Variants in CARMIL2 observed in about 807,000 individuals in gnomAD.
The protein encoded by CARMIL2 is capping protein regulator and myosin 1 linker 2.
CARMIL2 carries 96 observed loss-of-function variants against 173.3 expected under a neutral mutation model. That is an observed-to-expected ratio of 0.55 (90% confidence interval 0.47 to 0.66). CARMIL2 has a LOEUF of 0.66. Among genes scored for constraint, CARMIL2 ranks in the 30% least tolerant of loss-of-function variants. The pLI, the probability that CARMIL2 is intolerant of heterozygous loss-of-function variation, is 0.00. For missense variants in CARMIL2, 1,771 were observed against 1,906.7 expected (o/e 0.93, Z 1.33); for synonymous variants, 830 against 817.1 (o/e 1.02, Z -0.27).
chr16:67,645,151 TG>T lies in CARMIL2; in HGVS notation c.-95del. On this transcript the variant is annotated 5_prime_UTR_variant, in exon 1 of 38. Coordinates refer to ENST00000334583, the MANE Select transcript of CARMIL2 (RefSeq NM_001013838.3). ...TTCCGCCGCCGGAGGAGCAGGTGGC[TG>T]CCGTGCGGGTCTGGGCCCCAGGCTT... 4 of 901,736 alleles carry T rather than the reference TG, an allele frequency of 4.4e-6. No individual in the cohort carries two copies. The highest frequency in any genetic ancestry group is 3.0e-5 in the Admixed American group (1 of 33,852). The allele number at this position is 901,736 out of a possible 1,614,324, so 55.9% of individuals were successfully genotyped here. A position where few individuals can be genotyped will look rare whatever the true frequency, so the allele number is the denominator to read the frequency against.
In CARMIL2 at chr16:67,651,767, A is replaced by C. The variant is rs751540904; in HGVS notation, c.2510A>C (p.Glu837Ala). ...GGATCCAGCTGGAGGGAGCAGCTAG[A>C]GGGGGTCCTGGCAGGCTCGAGGGGC... ...LQGSSWREQL[E>A]GVLAGSRGLP... is the part of the protein sequence containing the mutation. Residue 837 changes from glutamate to alanine, a missense_variant, in exon 25 of 38, where the codon GAG (glutamate) becomes GCG (alanine). Around this residue, in one of 3 missense-constraint regions of CARMIL2, gnomAD observed 817 missense variants for 903.5 expected, o/e 0.90. Transcript: ENST00000334583. This position sits in a 1 kb window ranked among gnomAD's most constrained non-coding sequence, Gnocchi z 4.2. The C allele has an allele frequency of 6.2e-7, 1 of 1,607,012 alleles. No homozygotes were observed. Among genetic ancestry groups the C allele is most frequent in the South Asian group, 1.1e-5 (1 of 90,410 alleles).
rs2052768882 is a variant in CARMIL2 at position 67,653,438 on chromosome 16, G to C, written c.3120+184G>C. 6.6e-6 allele frequency among the ~76,000 whole-genome samples: 1 copy of C among 151,996 alleles called. No individual in the cohort carries two copies. Among genetic ancestry groups the C allele is most frequent in the Non-Finnish European group, 1.5e-5 (1 of 67,966 alleles). ...CCCCCACCCCAGGCCATGCCTGTGC[G>C]GGACCATGGGTGTGCGGGTTCCGTT... On this transcript the variant is annotated intron_variant, in intron 29 of 37. Transcript: ENST00000334583. The surrounding 1 kb of genome is among the most constrained non-coding windows in gnomAD (Gnocchi z 7.4).
At position 67,652,978 on chromosome 16, in the gene CARMIL2, C is replaced by A; in HGVS notation, c.2885-41C>A. On this transcript the variant is annotated intron_variant, in intron 28 of 37. Transcript: ENST00000334583. The surrounding 1 kb of genome is among the most constrained non-coding windows in gnomAD (Gnocchi z 4.7). ...CCTAGCGCCTCCGCCGCCACCTCCC[C>A]GGGCTCGGCGCTCGGTGCTCTTCTG... The A allele has an allele frequency of 8.9e-7, 1 of 1,124,676 alleles. No individual in the cohort carries two copies. Among genetic ancestry groups the A allele is most frequent in the Non-Finnish European group, 1.2e-6 (1 of 867,134 alleles). The allele number at this position is 1,124,676 out of a possible 1,614,324, so 69.7% of individuals were successfully genotyped here. A position where few individuals can be genotyped will look rare whatever the true frequency, so the allele number is the denominator to read the frequency against.
chr16:67,648,763 C>A lies in CARMIL2; in HGVS notation c.1509+9C>A. On this transcript the variant is annotated intron_variant, in intron 16 of 37. Transcript: ENST00000334583. This position sits in a 1 kb window ranked among gnomAD's most constrained non-coding sequence, Gnocchi z 6.1. ...ACCTCAGCGCTTGCGAGGTGAGCGC[C>A]GGCCCCCAGAAGAGACCACACATTG... 1 of 1,597,056 alleles carries A rather than the reference C, an allele frequency of 6.3e-7. No homozygotes were observed.
intron 22 of CARMIL2, chr16:67,650,885 C>T (rs2052709976): frequency 6.1e-6 from 2 of 328,316 alleles, no homozygotes; most frequent in African/African-American, 2.1e-5. Flanking sequence ...CTACTCACTC[C>T]CTTTTCTACC....
intron 33 of CARMIL2, 26 bp from the exon 34 acceptor site, chr16:67,656,202 C>T (rs2052850724): frequency 6.2e-7 from 1 of 1,613,460 alleles, no homozygotes; most frequent in Admixed American, 1.7e-5. Flanking sequence ...AGGTCTGGTA[C>T]CTGAGTCCCC....
Position 67,647,903 on chromosome 16 carries a change from C to T in CARMIL2, c.1016C>T (p.Thr339Ile), listed in dbSNP as rs753887294. The stretch of plus-strand genomic sequence containing the variant: ...AATGCCGCCTTCGACTCCACCCTGA[C>T]CCACCTGGACCTTTCTGGGAATCCT... ...ATNAAFDSTL[T>I]HLDLSGNPGA... Residue 339 changes from threonine (T) to isoleucine (I), a missense_variant, in exon 13 of 38, where the codon ACC becomes ATC. Around this residue, in one of 3 missense-constraint regions of CARMIL2, gnomAD observed 944 missense variants for 975.6 expected, o/e 0.97. Transcript: ENST00000334583. The T allele has an allele frequency of 6.2e-7, 1 of 1,611,440 alleles. No homozygotes were observed. Among genetic ancestry groups the T allele is most frequent in the Non-Finnish European group, 8.5e-7 (1 of 1,178,776 alleles).
rs2052601771 is a variant in CARMIL2, at chr16:67,646,769, A to G, written c.522A>G (p.Arg174=). The G allele has an allele frequency of 6.2e-7, 1 of 1,613,744 alleles. No homozygotes were observed. Among genetic ancestry groups the G allele is most frequent in the Admixed American group, 1.7e-5 (1 of 60,026 alleles). Residue 174 remains arginine (R), a synonymous_variant, in exon 7 of 38, where the codon CGA becomes CGG. Transcript: ENST00000334583. The surrounding 1 kb of genome is among the most constrained non-coding windows in gnomAD (Gnocchi z 4.6). ...ALCDYNGFPF[R]EEIQWDVDTI... ...GTGACTACAATGGCTTCCCTTTCCG[A>G]GAGGAGATTCAGTGGGTGAGGGTAG...
Position 67,656,527 on chromosome 16 carries a change from C to A in CARMIL2, c.3918C>A (p.Gly1306=). ...CGGAGCTCAGGAGCCGTGGTTGGGG[C>A]CAACAGGATGGTCCAGGCCCTCCCT... ...LNAELRSRGW[G]QQDGPGPPSP... Residue 1306 remains glycine, a synonymous_variant, in exon 35 of 38, where the codon GGC becomes GGA. Transcript: ENST00000334583. 6.2e-7 allele frequency: 1 copy of A among 1,613,492 alleles called. No individual in the cohort carries two copies. Among genetic ancestry groups the A allele is most frequent in the South Asian group, 1.1e-5 (1 of 91,062 alleles).
Position 67,654,804 on chromosome 16 carries a change from A to T in CARMIL2, c.3609A>T (p.Thr1203=), listed in dbSNP as rs1335960737. The T allele has an allele frequency of 1.9e-6, 3 of 1,613,458 alleles. No individual in the cohort carries two copies. Among genetic ancestry groups the T allele is most frequent in the Non-Finnish European group, 2.5e-6 (3 of 1,179,904 alleles). ...DKRRPLERGE[T]ELAPSFEQRV... The stretch of plus-strand genomic sequence containing the variant: ...GGCGGCCCCTGGAGCGGGGAGAAAC[A>T]GAACTGGCTCCATCCTTTGAACAGC... The change falls in exon 32 of 38, where the codon ACA becomes ACT. Residue 1203 remains threonine (T), a synonymous_variant. Coordinates refer to ENST00000334583, the MANE Select transcript of CARMIL2 (RefSeq NM_001013838.3).
At chr16:67,656,133 G>A in intron 33 of CARMIL2, 66 bp downstream of exon 33, 1 of 1,611,232 alleles carries the variant, frequency 6.2e-7, no homozygotes. Context: ...AGCCCCCAAG[G>A]CACTTGCTCT....
rs762083223 is a variant in CARMIL2 at position 67,656,837 on chromosome 16, G to A, written c.4073G>A (p.Arg1358Gln). 13 of 1,550,558 alleles carry A rather than the reference G, an allele frequency of 8.4e-6. No individual in the cohort carries two copies. The highest frequency in any genetic ancestry group is 2.4e-5 in the East Asian group (1 of 40,922). Reference protein sequence around the residue: ...QLRPRPLSAGRRAVSVHEDQL... With the variant: ...QLRPRPLSAGQRAVSVHEDQL... ...AGGCCGAGGCCTCTCTCGGCAGGGCGGCGAGCAGTGTCTGTGCATGAGGAC... is the reference window on the plus strand; with the variant it reads ...AGGCCGAGGCCTCTCTCGGCAGGGCAGCGAGCAGTGTCTGTGCATGAGGAC... Residue 1358 changes from arginine (R) to glutamine (Q), a missense_variant, in exon 36 of 38, where the codon CGG becomes CAG. By Grantham distance (43) the Arg-to-Gln change is conservative (BLOSUM62 1). Coordinates refer to ENST00000334583, the MANE Select transcript of CARMIL2 (RefSeq NM_001013838.3).
At chr16:67,647,793 G>A (rs1459909512) in intron 12 of CARMIL2, 27 bp downstream of exon 12, 1 of 1,170,910 alleles carries the variant, frequency 8.5e-7, no homozygotes, top group Non-Finnish European at 1.2e-6. Context: ...AGGGGGTGAG[G>A]GGAGGGGGGT....
rs1218006039 is a variant in CARMIL2 at position 67,650,104 on chromosome 16, C to T, written c.2138C>T (p.Thr713Met). 3.7e-6 allele frequency: 6 copies of T among 1,613,636 alleles called. No individual in the cohort carries two copies. The highest frequency in any genetic ancestry group is 4.5e-5 in the East Asian group (2 of 44,876). Residue 713 changes from threonine (T) to methionine (M), a missense_variant, in exon 22 of 38, where the codon ACG becomes ATG. Physicochemically the swap from Thr to Met is moderately conservative, Grantham distance 81. Around this residue, in one of 3 missense-constraint regions of CARMIL2, gnomAD observed 944 missense variants for 975.6 expected, o/e 0.97. Coordinates refer to ENST00000334583, the MANE Select transcript of CARMIL2 (RefSeq NM_001013838.3). ...GCAGACCCTGCCTCTTCTGACCACA[C>T]GACCCGCCTTCAGCCACTTGGTCTG... ...NRADPASSDH[T>M]TRLQPLGLVS...
At position 67,654,674 on chromosome 16, in the gene CARMIL2, G is replaced by T. The variant is rs771330451; in HGVS notation, c.3564G>T (p.Leu1188=). 3.1e-6 allele frequency: 5 copies of T among 1,588,590 alleles called. No homozygotes were observed. The African/African-American group carries it at 5.4e-5, about 17-fold the overall frequency. ...TGCCTGCCGAGGAGGAGGCAACGCT[G>T]GGTGCCAGACCCGACAAGGTGAGGC... ...ILLPAEEEAT[L]GARPDKRRPL... Residue 1188 remains leucine, a synonymous_variant, in exon 31 of 38, where the codon CTG becomes CTT. Transcript: ENST00000334583.
intron 30 of CARMIL2, 39 bp downstream of exon 30, chr16:67,654,288 G>A (rs751771919): frequency 1.5e-6 from 2 of 1,363,508 alleles, no homozygotes; most frequent in East Asian, 2.4e-5. Flanking sequence ...GAGAGGGTGG[G>A]ATGCCTGATG....
In CARMIL2 at chr16:67,649,177, G is replaced by GC. The variant is rs749572769; in HGVS notation, c.1688+10dup. Reference sequence around the variant, plus strand: ...GAACTTCAACGTCCGGTGCAAGTGAGCCCCCACCCTACTCCTGGGCCTCCC... The same window carrying GC: ...GAACTTCAACGTCCGGTGCAAGTGAGCCCCCCACCCTACTCCTGGGCCTCCC... On this transcript the variant is annotated splice_donor_region_variant and intron_variant, in intron 18 of 37. Transcript: ENST00000334583. The surrounding 1 kb of genome is among the most constrained non-coding windows in gnomAD (Gnocchi z 6.7). The GC allele has an allele frequency of 1.2e-4, 190 of 1,613,166 alleles. 3 individuals carry two copies. The East Asian group carries it at 4.2e-3, about 36-fold the overall frequency.
chr16:67,649,978 C>A lies in CARMIL2; in HGVS notation c.2082+10C>A. On this transcript the variant is annotated intron_variant, in intron 21 of 37. Coordinates refer to ENST00000334583, the MANE Select transcript of CARMIL2 (RefSeq NM_001013838.3). This position sits in a 1 kb window ranked among gnomAD's most constrained non-coding sequence, Gnocchi z 6.7. ...ACGTGCAGTCCATCAGGTGGGCGTCCCCCTCTTCCCTTGCCCTTCTCTGCA... is the reference window on the plus strand; with the variant it reads ...ACGTGCAGTCCATCAGGTGGGCGTCACCCTCTTCCCTTGCCCTTCTCTGCA... The A allele has an allele frequency of 6.2e-7, 1 of 1,613,352 alleles. No homozygotes were observed. Among genetic ancestry groups the A allele is most frequent in the Non-Finnish European group, 8.5e-7 (1 of 1,179,682 alleles).
intron 2 of CARMIL2, 30 bp downstream of exon 2, chr16:67,645,661 C>A (rs768450242): frequency 6.2e-7 from 1 of 1,612,466 alleles, no homozygotes; most frequent in Non-Finnish European, 8.5e-7. Context: ...GCCGGGGAGG[C>A]GGCTGTGGCC....
Sources: gnomAD v4.1 joint callset for allele counts (sites outside exome capture counted in the v4.1 genomes callset) on GRCh38, gnomAD v4.1.1 for gene constraint, gnomAD v4.1.1 regional missense constraint, Gnocchi (gnomAD v3.1) non-coding constraint, MANE v1.5 for transcripts, NCBI Gene and HGNC (gene_info 2026-07-23, HGNC 2026-07-21) for gene names.